Variants in PDE4D observed in about 807,000 individuals in gnomAD.
The protein encoded by PDE4D is 3',5'-cyclic-AMP phosphodiesterase 4D.
Under a neutral mutation model 87.4 loss-of-function variants are expected in PDE4D, and 24 were observed. The observed-to-expected ratio is 0.27, with a 90% CI of 0.20 to 0.39. The LOEUF is 0.39. PDE4D is among the 10% of genes least tolerant of loss of function. The pLI is 1.00. For missense variants in PDE4D, 714 were observed against 1,041.0 expected, an observed-to-expected ratio of 0.69 and a Z score of 4.32; for synonymous variants, 384 against 383.2, an observed-to-expected ratio of 1.00 and a Z score of -0.02.
chr5:60,074,702 A>G (rs1773089642), intron 2 of PDE4D, among the ~76,000 whole-genome samples: 1 of 152,142 alleles, frequency 6.6e-6, no homozygotes, highest in South Asian at 2.1e-4. Context: ...TTGGGTATGT[A>G]CCTATTTAGG....
chr5:59,456,461 T>G (rs976047744), intron 1 of PDE4D, among the ~76,000 whole-genome samples: 2 of 152,140 alleles, frequency 1.3e-5, no homozygotes, highest in African/African-American at 2.4e-5. Context: ...CTGAGTCCAT[T>G]AAACCTCTTT....
chr5:60,003,707 T>TAAC (rs1764214189), intron 2 of PDE4D, among the ~76,000 whole-genome samples: 1 of 104,300 alleles, frequency 9.6e-6, no homozygotes, highest in South Asian at 3.2e-4. Flanking sequence ...AGACTCCATC[T>TAAC]AAAAAAAAAA....
intron 5 of PDE4D, among the ~76,000 whole-genome samples, chr5:59,130,041 G>A (rs920363000): frequency 3.9e-5 from 6 of 152,180 alleles, no homozygotes; most frequent in Non-Finnish European, 8.8e-5. Context: ...ATTGAACAAA[G>A]GACATATAGT....
At chr5:60,377,714 C>T (rs78846584) in intron 1 of PDE4D, among the ~76,000 whole-genome samples, 2,081 of 152,050 alleles carry the variant, frequency 0.014, 50 homozygotes, top group African/African-American at 0.048. Flanking sequence ...TATTACTCCC[C>T]GTTAAAGGCT....
At chr5:59,625,580 G>A (rs918777721) in intron 1 of PDE4D, among the ~76,000 whole-genome samples, 4 of 151,764 alleles carry the variant, frequency 2.6e-5, no homozygotes, top group African/African-American at 9.7e-5. Context: ...AAAGACTATA[G>A]CCAAAACATC....
intron 1 of PDE4D, among the ~76,000 whole-genome samples, chr5:60,467,003 G>A (rs1245825621): frequency 2.7e-5 from 4 of 150,024 alleles, no homozygotes; most frequent in African/African-American, 9.8e-5. Context: ...TAACAGATCT[G>A]CACTGGAATT....
intron 1 of PDE4D, among the ~76,000 whole-genome samples, chr5:60,416,723 T>G (rs758217968): frequency 3.9e-5 from 6 of 152,328 alleles, no homozygotes; most frequent in Non-Finnish European, 8.8e-5. Context: ...CCACCAATTC[T>G]GGACACACTA....
At chr5:60,042,843 A>T (rs1214084396) in intron 2 of PDE4D, among the ~76,000 whole-genome samples, 1 of 152,178 alleles carries the variant, frequency 6.6e-6, no homozygotes, top group East Asian at 1.9e-4. Context: ...GATGGGGAGG[A>T]ACCAGTGCAA....
At chr5:60,226,810 G>A (rs1012546307) in intron 1 of PDE4D, among the ~76,000 whole-genome samples, 1 of 150,414 alleles carries the variant, frequency 6.6e-6, no homozygotes, top group South Asian at 2.1e-4. Context: ...CTTTACTCAG[G>A]TGTCTTTGTT....
chr5:59,466,535 G>A (rs1234860501), intron 1 of PDE4D, among the ~76,000 whole-genome samples: 1 of 152,178 alleles, frequency 6.6e-6, no homozygotes, highest in African/African-American at 2.4e-5. Flanking sequence ...CAGAAAGAAA[G>A]CAGAGACAGT....
chr5:59,999,986 A>T (rs1376635728), intron 2 of PDE4D, among the ~76,000 whole-genome samples: 1 of 152,010 alleles, frequency 6.6e-6, no homozygotes, highest in African/African-American at 2.4e-5. Flanking sequence ...CAGAAGAAAG[A>T]ATAAATGAAC....
chr5:59,220,377 CAAAAA>C (rs57610513), intron 1 of PDE4D, among the ~76,000 whole-genome samples: 95 of 36,152 alleles, frequency 2.6e-3, no homozygotes, highest in African/African-American at 6.1e-3. Context: ...GACTCTGTCT[CAAAAA>C]AAAAAAAAAA....
chr5:60,046,486 T>G (rs1245705020), intron 2 of PDE4D, among the ~76,000 whole-genome samples: 1 of 152,112 alleles, frequency 6.6e-6, no homozygotes, highest in African/African-American at 2.4e-5. Context: ...CCATTCAGTA[T>G]GATATTGGCT....
At chr5:59,204,961 G>A (rs756710754) in intron 2 of PDE4D, among the ~76,000 whole-genome samples, 1 of 152,170 alleles carries the variant, frequency 6.6e-6, no homozygotes, top group Non-Finnish European at 1.5e-5. Context: ...CACCAGACAC[G>A]GTGTTCTACC....
At chr5:60,366,501 C>CA (rs1760556826) in intron 1 of PDE4D, among the ~76,000 whole-genome samples, 1 of 152,174 alleles carries the variant, frequency 6.6e-6, no homozygotes. Context: ...GGACCATCAT[C>CA]AAAAGCATTT....
intron 6 of PDE4D, among the ~76,000 whole-genome samples, chr5:59,034,344 A>T (rs1165702483): frequency 2.6e-5 from 4 of 152,204 alleles, no homozygotes; most frequent in African/African-American, 9.6e-5. Flanking sequence ...GTAGAAAACA[A>T]CTGAGGCTGT....
intron 12 of PDE4D, among the ~76,000 whole-genome samples, 148 bp downstream of exon 12, chr5:58,977,031 GAACATCACAGCC>G (rs1249611895): frequency 6.6e-6 from 1 of 152,152 alleles, no homozygotes; most frequent in Non-Finnish European, 1.5e-5. Flanking sequence ...ACCTATTACA[GAACATCACAGCC>G]AGCATCACGG....
chr5:60,168,751 C>A (rs1460111449), intron 2 of PDE4D, among the ~76,000 whole-genome samples: 1 of 151,952 alleles, frequency 6.6e-6, no homozygotes, highest in Admixed American at 6.6e-5. Context: ...GAAATAATGA[C>A]AAGGAAAGTC....
At chr5:59,529,313 A>C (rs1163080976) in intron 1 of PDE4D, 2 of 312,482 alleles carry the variant, frequency 6.4e-6, no homozygotes, top group Non-Finnish European at 1.3e-5. Flanking sequence ...AATCATTAAA[A>C]AAAGAAAGAA....
Sources: gnomAD v4.1 joint callset for allele counts (sites outside exome capture counted in the v4.1 genomes callset) on GRCh38, gnomAD v4.1.1 for gene constraint, MANE v1.5 for transcripts, NCBI Gene and HGNC (gene_info 2026-07-23, HGNC 2026-07-21) for gene names.